Variants in IFT80 observed in about 807,000 individuals in gnomAD.
The protein encoded by IFT80 is intraflagellar transport protein 80 homolog.
Under a neutral mutation model 107.9 loss-of-function variants are expected in IFT80, and 79 were observed. That is an observed-to-expected ratio of 0.73 (90% CI 0.61 to 0.88). The LOEUF is 0.88. Ranked by LOEUF, IFT80 falls within the 40% of genes least tolerant of loss-of-function variation. The pLI, the probability that IFT80 is intolerant of heterozygous loss-of-function variation, is 0.00. For synonymous variants in IFT80, 299 were observed against 300.9 expected, an observed-to-expected ratio of 0.99 and a Z score of 0.07; for missense variants, 797 against 914.2, an observed-to-expected ratio of 0.87 and a Z score of 1.65.
intron 8 of IFT80, among the ~76,000 whole-genome samples, chr3:160,339,930 G>A (rs1447205026): frequency 6.6e-6 from 1 of 152,074 alleles, no homozygotes; most frequent in African/African-American, 2.4e-5. Context: ...TGACCAATTT[G>A]GTTTTTAGCT....
chr3:160,366,573 A>G (rs1281383124), intron 5 of IFT80, among the ~76,000 whole-genome samples: 1 of 152,062 alleles, frequency 6.6e-6, no homozygotes, highest in Non-Finnish European at 1.5e-5. Flanking sequence ...ATGTTTTTAC[A>G]TTTATTTGCA....
At chr3:160,312,649 A>G in intron 9 of IFT80, among the ~76,000 whole-genome samples, 1 of 53,046 alleles carries the variant, frequency 1.9e-5, no homozygotes, top group African/African-American at 8.5e-5. Flanking sequence ...TATATATTAT[A>G]TATAAATATA....
chr3:160,388,310 AG>A (rs911187867), intron 1 of IFT80, among the ~76,000 whole-genome samples: 3 of 151,858 alleles, frequency 2.0e-5, no homozygotes, highest in Non-Finnish European at 4.4e-5. Context: ...GATAAGCCTA[AG>A]AAACATTGTC....
rs538754490 is a variant in IFT80 at position 160,315,947 on chromosome 3, T to C, written c.957+3813A>G. 1.6e-3 allele frequency among the ~76,000 whole-genome samples: 241 copies of C among 152,272 alleles called. 1 individual carries two copies. Among genetic ancestry groups the C allele is most frequent in the Middle Eastern group, 3.4e-3 (1 of 294 alleles). ...TAGGTTGAATATGTATCCATATATA[T>C]GAATAAAGGAAGCTTGTAAGGTGAC... is the stretch of plus-strand genomic sequence containing the variant. On this transcript the variant is annotated intron_variant, in intron 9 of 19. Transcript: ENST00000326448.
chr3:160,345,116 T>C (rs1237165647), intron 8 of IFT80, among the ~76,000 whole-genome samples: 4 of 152,116 alleles, frequency 2.6e-5, no homozygotes, highest in Non-Finnish European at 5.9e-5. Flanking sequence ...AAAGAATCAG[T>C]ATATCCAAGA....
At chr3:160,353,118 T>C (rs908126752) in intron 8 of IFT80, among the ~76,000 whole-genome samples, 2 of 152,184 alleles carry the variant, frequency 1.3e-5, no homozygotes, top group Non-Finnish European at 2.9e-5. Context: ...TAAACTATGA[T>C]ACCTCACCTT....
intron 12 of IFT80, chr3:160,299,256 G>C: frequency 8.6e-7 from 1 of 1,158,498 alleles, no homozygotes; most frequent in Non-Finnish European, 1.1e-6. Flanking sequence ...ATTACCAAAA[G>C]TCTTCTCTCA....
intron 18 of IFT80, 196 bp from the exon 19 acceptor site, chr3:160,268,732 T>G: frequency 1.8e-6 from 1 of 560,696 alleles, no homozygotes; most frequent in East Asian, 3.1e-5. Flanking sequence ...TGGCCTCTTC[T>G]CCCTGACCAG....
chr3:160,381,265 T>TATATA (rs1559971346), intron 3 of IFT80, among the ~76,000 whole-genome samples: 18 of 135,234 alleles, frequency 1.3e-4, no homozygotes, highest in South Asian at 2.3e-4. Flanking sequence ...TATATATATA[T>TATATA]TAAAGCCAAA....
chr3:160,386,875 A>G (rs1177896264), intron 1 of IFT80, among the ~76,000 whole-genome samples: 4 of 152,204 alleles, frequency 2.6e-5, no homozygotes, highest in Admixed American at 2.6e-4. Context: ...GTGGGACACA[A>G]CATGCAGGGT....
At chr3:160,323,680 G>GACACCCTGTCA (rs1718453763) in intron 8 of IFT80, among the ~76,000 whole-genome samples, 2 of 151,998 alleles carry the variant, frequency 1.3e-5, no homozygotes, top group South Asian at 4.2e-4. Context: ...AAGCAGGAAA[G>GACACCCTGTCA]ATCCAAAATT....
chr3:160,268,696 A>G lies in IFT80; in HGVS notation c.2100-160T>C, dbSNP rs1400830988. 5 of 668,668 alleles carry G rather than the reference A, an allele frequency of 7.5e-6. No homozygotes were observed. The Admixed American group carries it at 9.9e-5, about 13-fold the overall frequency. The allele number at this position is 668,668 out of a possible 1,614,324, so 41.4% of individuals were successfully genotyped here. A position where few individuals can be genotyped will look rare whatever the true frequency, so the allele number is the denominator to read the frequency against. ...TCATCCATCTTGCAAATTCCTACTT[A>G]TATACTTCAGGGCCCAGATCAAACA... On this transcript the variant is annotated intron_variant, in intron 18 of 19. Coordinates refer to ENST00000326448, the MANE Select transcript of IFT80 (RefSeq NM_020800.3).
chr3:160,285,698 T>A (rs2108240488), intron 13 of IFT80, 106 bp downstream of exon 13: 1 of 818,662 alleles, frequency 1.2e-6, no homozygotes, highest in East Asian at 2.7e-5. Context: ...TGATTTTAAA[T>A]AAAAAACTAA....
chr3:160,278,967 A>T (rs1714479472), intron 16 of IFT80, among the ~76,000 whole-genome samples: 1 of 152,228 alleles, frequency 6.6e-6, no homozygotes, highest in Non-Finnish European at 1.5e-5. Context: ...GAAGATTTTT[A>T]TATGTGCCAG....
intron 9 of IFT80, among the ~76,000 whole-genome samples, chr3:160,317,944 A>G (rs1306536511): frequency 6.6e-6 from 1 of 151,914 alleles, no homozygotes; most frequent in Non-Finnish European, 1.5e-5. Context: ...ACATTTAAAC[A>G]CTTTGTGGAT....
chr3:160,392,763 A>G (rs1349701420), intron 1 of IFT80, among the ~76,000 whole-genome samples: 5 of 152,220 alleles, frequency 3.3e-5, no homozygotes, highest in Non-Finnish European at 7.4e-5. Flanking sequence ...ACAACAGCCC[A>G]TGTGGCTGAT....
chr3:160,344,207 C>CT (rs34896580), intron 8 of IFT80, among the ~76,000 whole-genome samples: 1 of 152,094 alleles, frequency 6.6e-6, no homozygotes, highest in Non-Finnish European at 1.5e-5. Context: ...TTATCCTTTG[C>CT]TTTTTTCCAA....
chr3:160,291,251 A>G (rs1715529692), intron 12 of IFT80, among the ~76,000 whole-genome samples: 1 of 152,196 alleles, frequency 6.6e-6, no homozygotes, highest in South Asian at 2.1e-4. Flanking sequence ...TGCCCCTATA[A>G]CCGAAGAATA....
chr3:160,374,990 C>T (rs1020137406), intron 5 of IFT80, among the ~76,000 whole-genome samples: 3 of 152,000 alleles, frequency 2.0e-5, no homozygotes, highest in South Asian at 4.1e-4. Context: ...TAAAGAAATG[C>T]AAGTGATTTG....
Sources: allele counts gnomAD v4.1 joint callset (sites outside exome capture counted in the v4.1 genomes callset), GRCh38; gene constraint gnomAD v4.1.1; transcripts MANE v1.5; gene names NCBI Gene and HGNC (gene_info 2026-07-23, HGNC 2026-07-21).